Variants in POFUT3 observed in about 807,000 individuals in gnomAD.
The protein encoded by POFUT3 is protein O-fucosyltransferase 3.
At chr8:33,404,275 C>T in the POFUT3 span, among the ~76,000 whole-genome samples, 1 of 150,548 alleles carries the variant, frequency 6.6e-6, no homozygotes, top group African/African-American at 2.5e-5. Flanking sequence ...GAAGCGGAGG[C>T]TGCAGTGAGC....
At chr8:33,425,694 G>A in the POFUT3 span, among the ~76,000 whole-genome samples, 14 of 151,744 alleles carry the variant, frequency 9.2e-5, no homozygotes, top group Non-Finnish European at 2.1e-4. Flanking sequence ...GGCTGAGGCA[G>A]GCAGATCACT....
the POFUT3 span, among the ~76,000 whole-genome samples, chr8:33,317,000 C>T: frequency 6.6e-6 from 1 of 151,924 alleles, no homozygotes; most frequent in Non-Finnish European, 1.5e-5. Flanking sequence ...GACAGAACCC[C>T]CTCATCAACC....
At chr8:33,327,033 G>A in the POFUT3 span, among the ~76,000 whole-genome samples, 66 of 152,212 alleles carry the variant, frequency 4.3e-4, no homozygotes, top group East Asian at 4.3e-3. Context: ...CTGTCTCTGC[G>A]TCCCAAAGTG....
the POFUT3 span, among the ~76,000 whole-genome samples, chr8:33,384,676 C>A: frequency 6.6e-6 from 1 of 152,004 alleles, no homozygotes; most frequent in Admixed American, 6.5e-5. Context: ...AAAAAATTAG[C>A]CAGGCATGGT....
At chr8:33,418,501 C>T in the POFUT3 span, among the ~76,000 whole-genome samples, 1 of 150,560 alleles carries the variant, frequency 6.6e-6, no homozygotes, top group Admixed American at 6.7e-5. Context: ...CAGGGTTTCA[C>T]CACGTTGGCT....
chr8:33,395,812 C>A, the POFUT3 span, among the ~76,000 whole-genome samples: 1 of 152,120 alleles, frequency 6.6e-6, no homozygotes, highest in Non-Finnish European at 1.5e-5. Flanking sequence ...TGCTGGCGCC[C>A]AAAAGCACTT....
the POFUT3 span, among the ~76,000 whole-genome samples, chr8:33,403,271 C>CGTGT: frequency 0.27 from 39,528 of 147,386 alleles, 5,587 homozygotes; most frequent in East Asian, 0.46. Flanking sequence ...ATGGTGTGTG[C>CGTGT]GTGTGTGTGT....
At chr8:33,443,759 T>C in the POFUT3 span, among the ~76,000 whole-genome samples, 12,420 of 152,088 alleles carry the variant, frequency 0.082, 653 homozygotes, top group African/African-American at 0.15. Flanking sequence ...TCCCAAAATG[T>C]TGGGATTACA....
the POFUT3 span, chr8:33,436,181 G>A: frequency 8.0e-7 from 1 of 1,250,346 alleles, no homozygotes; most frequent in Non-Finnish European, 1.1e-6. Context: ...GGTTCCTAAG[G>A]GACTGAATGC....
the POFUT3 span, among the ~76,000 whole-genome samples, chr8:33,383,868 A>G: frequency 6.6e-6 from 1 of 151,886 alleles, no homozygotes; most frequent in Non-Finnish European, 1.5e-5. Context: ...AACTGTAGAG[A>G]TCAATGCCCC....
At chr8:33,370,098 G>A in the POFUT3 span, among the ~76,000 whole-genome samples, 2 of 147,872 alleles carry the variant, frequency 1.4e-5, no homozygotes, top group African/African-American at 5.0e-5. Context: ...TTAGGAGGCC[G>A]AGGTGGGTGG....
At chr8:33,452,131 G>C in the POFUT3 span, 1 of 152,092 alleles carries the variant, frequency 6.6e-6, no homozygotes, top group Non-Finnish European at 1.5e-5. Flanking sequence ...ATGTGTATGT[G>C]TAGGCATGTG....
At chr8:33,458,480 C>G in the POFUT3 span, among the ~76,000 whole-genome samples, 3 of 152,190 alleles carry the variant, frequency 2.0e-5, no homozygotes, top group Admixed American at 2.0e-4. Flanking sequence ...TTTGGGAGGC[C>G]AAGGCGGGTG....
chr8:33,417,513 A>G, the POFUT3 span, among the ~76,000 whole-genome samples: 635 of 152,310 alleles, frequency 4.2e-3, 5 homozygotes, highest in African/African-American at 0.014. Flanking sequence ...TCAGCGGAGC[A>G]AATCAAGAGA....
At chr8:33,363,539 G>A in the POFUT3 span, among the ~76,000 whole-genome samples, 4 of 151,836 alleles carry the variant, frequency 2.6e-5, no homozygotes, top group Non-Finnish European at 5.9e-5. Flanking sequence ...TAATAAAGAA[G>A]AAAAGAGAGA....
chr8:33,376,583 T>C, the POFUT3 span, among the ~76,000 whole-genome samples: 123 of 152,234 alleles, frequency 8.1e-4, no homozygotes, highest in Non-Finnish European at 1.5e-3. Context: ...GAACCACTGA[T>C]GGATTATCAT....
the POFUT3 span, among the ~76,000 whole-genome samples, chr8:33,451,207 A>G: frequency 6.6e-6 from 1 of 152,118 alleles, no homozygotes. Flanking sequence ...TATACCATTG[A>G]GAATCCCAAA....
the POFUT3 span, among the ~76,000 whole-genome samples, chr8:33,460,112 C>A: frequency 1.3e-5 from 2 of 151,852 alleles, no homozygotes; most frequent in Non-Finnish European, 2.9e-5. Flanking sequence ...TCGCTTGAAC[C>A]GGGGAGGCAG....
the POFUT3 span, among the ~76,000 whole-genome samples, chr8:33,443,952 C>G: frequency 1.3e-5 from 2 of 151,170 alleles, no homozygotes; most frequent in Admixed American, 6.6e-5. Context: ...ACAGTGAGAC[C>G]TCATTTCTAC....
Sources: allele counts gnomAD v4.1 joint callset (sites outside exome capture counted in the v4.1 genomes callset), GRCh38; gene constraint gnomAD v4.1.1; transcripts MANE v1.5; gene names NCBI Gene and HGNC (gene_info 2026-07-23, HGNC 2026-07-21).